The following FURIN variants were observed in gnomAD, a reference collection of about 807,000 sequenced individuals.
FURIN encodes FES upstream region.
Under a neutral mutation model 89.2 loss-of-function variants are expected in FURIN, and 18 were observed. That is an observed-to-expected ratio of 0.20 (90% CI 0.14 to 0.30). The LOEUF (loss-of-function observed/expected upper bound fraction) is 0.30, where lower values mean the gene tolerates loss of function less well. FURIN is among the 10% of genes least tolerant of loss of function. The probability of loss-of-function intolerance (pLI) is 1.00; values close to 1 mark genes in which losing one functional copy is unlikely to be tolerated. For missense variants in FURIN, 879 were observed against 1,100.5 expected (o/e 0.80, Z 2.85); for synonymous variants, 508 against 466.4 (o/e 1.09, Z -1.15).
At position 90,881,232 on chromosome 15, in the gene FURIN, G is replaced by T; in HGVS notation, c.1793-54G>T. 1 of 1,408,476 alleles carries T rather than the reference G, an allele frequency of 7.1e-7. No homozygotes were observed. Among genetic ancestry groups the T allele is most frequent in the African/African-American group, 1.4e-5 (1 of 70,624 alleles). The allele number at this position is 1,408,476 out of a possible 1,614,324, so 87.2% of individuals were successfully genotyped here. On this transcript the variant is annotated intron_variant, in intron 15 of 15. Transcript: ENST00000268171. The surrounding 1 kb of genome is among the most constrained non-coding windows in gnomAD (Gnocchi z 4.3). ...CTTGGCTTGGGGCTGCTGTGGTCCT[G>T]GGGCTACAGTCTGTTTAGCTGACAC... is the stretch of plus-strand genomic sequence containing the variant.
At chr15:90,873,309 G>A (rs2031422363) in intron 1 of FURIN, among the ~76,000 whole-genome samples, 1 of 145,488 alleles carries the variant, frequency 6.9e-6, no homozygotes, top group Non-Finnish European at 1.5e-5. Flanking sequence ...GGACTGTTCA[G>A]TTGCGCCTGA....
At position 90,880,924 on chromosome 15, in the gene FURIN, G is replaced by C. The variant is rs773548672; in HGVS notation, c.1682-6G>C. 6.2e-7 allele frequency: 1 copy of C among 1,613,394 alleles called. No homozygotes were observed. The highest frequency in any genetic ancestry group is 1.7e-5 in the Admixed American group (1 of 60,002). On this transcript the variant is annotated splice_polypyrimidine_tract_variant and splice_region_variant and intron_variant, in intron 14 of 15. Coordinates refer to ENST00000268171, the MANE Select transcript of FURIN (RefSeq NM_002569.4). ...TAACTCTTGCCTCCTCCCCGCTCTG[G>C]AACAGGGACGCTGACCAAGTTCACC... is the stretch of plus-strand genomic sequence containing the variant.
chr15:90,881,394 A>C lies in FURIN; in HGVS notation c.1901A>C (p.Glu634Ala). 6.2e-7 allele frequency: 1 copy of C among 1,612,562 alleles called. No homozygotes were observed. The highest frequency in any genetic ancestry group is 8.5e-7 in the Non-Finnish European group (1 of 1,179,888). The change falls in exon 16 of 16, where the codon GAG becomes GCG. Residue 634 changes from glutamate to alanine, a missense_variant. Physicochemically the swap from Glu to Ala is moderately radical, Grantham distance 107. Coordinates refer to ENST00000268171, the MANE Select transcript of FURIN (RefSeq NM_002569.4). This position sits in a 1 kb window ranked among gnomAD's most constrained non-coding sequence, Gnocchi z 4.3. ...DTHYSTENDV[E>A]TIRASVCAPC... ...CACTATAGCACCGAGAATGACGTGG[A>C]GACCATCCGGGCCAGCGTCTGCGCC...
At position 90,876,581 on chromosome 15, in the gene FURIN, G is replaced by A. The variant is rs2031642625; in HGVS notation, c.372+24G>A. On this transcript the variant is annotated intron_variant, in intron 4 of 15. Coordinates refer to ENST00000268171, the MANE Select transcript of FURIN (RefSeq NM_002569.4). This position sits in a 1 kb window ranked among gnomAD's most constrained non-coding sequence, Gnocchi z 5.0. The stretch of plus-strand genomic sequence containing the variant: ...TGGTACGTGGCCTTCTTCGCTGCTG[G>A]GACCTCCTCCCCAGATGCACCATCC... 1.4e-6 allele frequency: 2 copies of A among 1,468,178 alleles called. No homozygotes were observed. The highest frequency in any genetic ancestry group is 1.9e-6 in the Non-Finnish European group (2 of 1,047,966). The allele number at this position is 1,468,178 out of a possible 1,614,324, so 90.9% of individuals were successfully genotyped here.
chr15:90,879,660 C>G lies in FURIN; in HGVS notation c.1155-11C>G, dbSNP rs751113433. ...AGACTGATCCCCAGCCTCTCCCTTC[C>G]TTCTTTGCAGTAAGAACCTCACATG... On this transcript the variant is annotated splice_polypyrimidine_tract_variant and intron_variant, in intron 10 of 15. Coordinates refer to ENST00000268171, the MANE Select transcript of FURIN (RefSeq NM_002569.4). The G allele has an allele frequency of 1.2e-6, 2 of 1,610,298 alleles. No individual in the cohort carries two copies.
rs561843014 is a variant in FURIN at position 90,879,904 on chromosome 15, C to T, written c.1296C>T (p.Gly432=). The T allele has an allele frequency of 3.1e-6, 5 of 1,613,434 alleles. No homozygotes were observed. Among genetic ancestry groups the T allele is most frequent in the Non-Finnish European group, 4.2e-6 (5 of 1,179,978 alleles). The change falls in exon 12 of 16, where the codon GGC becomes GGT. Residue 432 remains glycine, a synonymous_variant. Coordinates refer to ENST00000268171, the MANE Select transcript of FURIN (RefSeq NM_002569.4). ...HSYGYGLLDA[G]AMVALAQNWT... is the part of the protein sequence containing the mutation. ...ATGGCTACGGGCTTTTGGACGCAGG[C>T]GCCATGGTGGCCCTGGCCCAGAATT...
chr15:90,879,572 C>G, intron 10 of FURIN, 28 bp downstream of exon 10: 1 of 1,568,422 alleles, frequency 6.4e-7, no homozygotes, highest in Non-Finnish European at 8.8e-7. Context: ...AGCGGCAACC[C>G]TGTCCCTACC....
Position 90,881,141 on chromosome 15 carries a change from C to G in FURIN, c.1792+101C>G, listed in dbSNP as rs1261311693. The G allele has an allele frequency of 6.3e-6, 7 of 1,118,868 alleles. No homozygotes were observed. The South Asian group carries it at 7.9e-5, about 13-fold the overall frequency. 69.3% of individuals were successfully genotyped at this position (1,118,868 alleles called of 1,614,324 possible). A position where few individuals can be genotyped will look rare whatever the true frequency, so the allele number is the denominator to read the frequency against. On this transcript the variant is annotated intron_variant, in intron 15 of 15. Coordinates refer to ENST00000268171, the MANE Select transcript of FURIN (RefSeq NM_002569.4). This position sits in a 1 kb window ranked among gnomAD's most constrained non-coding sequence, Gnocchi z 4.3. ...CTAACAGAAAAAAGTCTCAAGAGAC[C>G]TAGGGCCCCTGGGGCTCTTGGGATG...
At chr15:90,879,634 A>T (rs749491811) in intron 10 of FURIN, 37 bp from the exon 11 acceptor site, 3 of 1,592,330 alleles carry the variant, frequency 1.9e-6, no homozygotes, top group African/African-American at 1.3e-5. Flanking sequence ...GCTCCCAAAA[A>T]AGACTGATCC....
rs1596078127 is a variant in FURIN, at chr15:90,879,433, C to G, written c.1054-11C>G. The stretch of plus-strand genomic sequence containing the variant: ...CCATCACAGGCCCCAATATGATTCT[C>G]TTCCTGGCAGGTGACGACTGACTTG... On this transcript the variant is annotated splice_polypyrimidine_tract_variant and intron_variant, in intron 9 of 15. Transcript: ENST00000268171. 1.3e-6 allele frequency: 2 copies of G among 1,598,590 alleles called. No homozygotes were observed. The highest frequency in any genetic ancestry group is 8.6e-7 in the Non-Finnish European group (1 of 1,165,966).
chr15:90,878,756 G>A lies in FURIN; in HGVS notation c.841-8G>A. On this transcript the variant is annotated splice_region_variant and splice_polypyrimidine_tract_variant and intron_variant, in intron 8 of 15. Coordinates refer to ENST00000268171, the MANE Select transcript of FURIN (RefSeq NM_002569.4). ...ATCTTGAATGACCCCAGCCCACTCT[G>A]TCCACAGGGCCGAGGGGGGCTGGGC... The A allele has an allele frequency of 6.4e-7, 1 of 1,573,542 alleles. No homozygotes were observed. Among genetic ancestry groups the A allele is most frequent in the East Asian group, 2.2e-5 (1 of 44,726 alleles).
At position 90,881,445 on chromosome 15, in the gene FURIN, G is replaced by T; in HGVS notation, c.1952G>T (p.Cys651Phe). 1 of 1,612,332 alleles carries T rather than the reference G, an allele frequency of 6.2e-7. No individual in the cohort carries two copies. The change falls in exon 16 of 16, where the codon TGC (cysteine) becomes TTC (phenylalanine). Residue 651 changes from cysteine to phenylalanine, a missense_variant. Physicochemically the swap from Cys to Phe is radical, Grantham distance 205 (BLOSUM62 -2). Coordinates refer to ENST00000268171, the MANE Select transcript of FURIN (RefSeq NM_002569.4). The surrounding 1 kb of genome is among the most constrained non-coding windows in gnomAD (Gnocchi z 4.3). ...CAPCHASCAT[C>F]QGPALTDCLS... Reference sequence around the variant, plus strand: ...CCCTGCCACGCCTCATGTGCCACATGCCAGGGGCCGGCCCTGACAGACTGC... The same window carrying T: ...CCCTGCCACGCCTCATGTGCCACATTCCAGGGGCCGGCCCTGACAGACTGC...
chr15:90,878,126 G>T lies in FURIN; in HGVS notation c.668-6G>T, dbSNP rs772937860. On this transcript the variant is annotated splice_polypyrimidine_tract_variant and splice_region_variant and intron_variant, in intron 7 of 15. Transcript: ENST00000268171. ...ATCCCTCTTCGTGCCCCCCCTTCAC[G>T]GCCAGGGGTGCGCATGCTGGATGGC... The T allele has an allele frequency of 1.9e-6, 3 of 1,613,502 alleles. No homozygotes were observed. In the Admixed American group the frequency reaches 5.0e-5, roughly 27 times the overall value.
intron 1 of FURIN, among the ~76,000 whole-genome samples, chr15:90,874,332 C>T (rs1378322329): frequency 6.6e-6 from 1 of 152,254 alleles, no homozygotes; most frequent in African/African-American, 2.4e-5. Flanking sequence ...CCCTGGCTGC[C>T]TGGGCTCGGA....
At position 90,878,200 on chromosome 15, in the gene FURIN, C is replaced by T; in HGVS notation, c.736C>T (p.His246Tyr). Residue 246 changes from histidine (H) to tyrosine (Y), a missense_variant, in exon 8 of 16, where the codon CAC (histidine) becomes TAC (tyrosine). Physicochemically the swap from His to Tyr is moderately conservative, Grantham distance 83. This residue lies in a region of FURIN where 139 missense variants were observed against 215.0 expected (regional missense o/e 0.65). Transcript: ENST00000268171. ...ACGCTCGCTGGGCCTGAACCCCAAC[C>T]ACATCCACATCTACAGTGCCAGCTG... ...EARSLGLNPN[H>Y]IHIYSASWGP... The T allele has an allele frequency of 1.2e-6, 2 of 1,613,934 alleles. No homozygotes were observed. Among genetic ancestry groups the T allele is most frequent in the Non-Finnish European group, 8.5e-7 (1 of 1,179,976 alleles).
rs2032013197 is a variant in FURIN at position 90,882,074 on chromosome 15, C to T, written c.*196C>T. The T allele has an allele frequency of 1.2e-5, 7 of 575,748 alleles. No individual in the cohort carries two copies. Among genetic ancestry groups the T allele is most frequent in the Admixed American group, 3.3e-5 (1 of 30,128 alleles). 35.7% of individuals were successfully genotyped at this position (575,748 alleles called of 1,614,324 possible). A position where few individuals can be genotyped will look rare whatever the true frequency, so the allele number is the denominator to read the frequency against. ...GGACCAGCTGGGGCGTGGGGAGGGC[C>T]GTACCCCACCCTCAGCACCCCTTCC... On this transcript the variant is annotated 3_prime_UTR_variant, in exon 16 of 16. Transcript: ENST00000268171.
Position 90,880,708 on chromosome 15 carries a change from C to T in FURIN, c.1574C>T (p.Ala525Val). The T allele has an allele frequency of 6.2e-7, 1 of 1,613,768 alleles. No homozygotes were observed. Among genetic ancestry groups the T allele is most frequent in the Non-Finnish European group, 8.5e-7 (1 of 1,179,852 alleles). ...CTCCCCAGGCCACATGACTACTCCGCAGATGGGTTTAATGACTGGGCCTTC... is the reference window on the plus strand; with the variant it reads ...CTCCCCAGGCCACATGACTACTCCGTAGATGGGTTTAATGACTGGGCCTTC... ...LLAARPHDYS[A>V]DGFNDWAFMT... The change falls in exon 14 of 16, where the codon GCA becomes GTA. Residue 525 changes from alanine to valine, a missense_variant. Ala to Val is a moderately conservative substitution (Grantham distance 64, BLOSUM62 0). Coordinates refer to ENST00000268171, the MANE Select transcript of FURIN (RefSeq NM_002569.4).
Position 90,876,861 on chromosome 15 carries a change from A to G in FURIN, c.373-35A>G. 1 of 1,610,118 alleles carries G rather than the reference A, an allele frequency of 6.2e-7. No individual in the cohort carries two copies. Among genetic ancestry groups the G allele is most frequent in the Non-Finnish European group, 8.5e-7 (1 of 1,176,946 alleles). ...TGCTCCTAGCCTCACAAAACCAATC[A>G]TGTCTCATAAGTGATGGGGTGGGTG... On this transcript the variant is annotated intron_variant, in intron 4 of 15. Transcript: ENST00000268171. This position sits in a 1 kb window ranked among gnomAD's most constrained non-coding sequence, Gnocchi z 5.0.
rs892326275 is a variant in FURIN at position 90,881,803 on chromosome 15, G to A, written c.2310G>A (p.Glu770=). The stretch of plus-strand genomic sequence containing the variant: ...TGCCCCCTGAAGCCTGGCAGGAGGA[G>A]TGCCCGTCTGACTCAGAAGAGGACG... ...KGLPPEAWQE[E]CPSDSEEDEG... Residue 770 remains glutamate, a synonymous_variant, in exon 16 of 16, where the codon GAG becomes GAA. Transcript: ENST00000268171. This position sits in a 1 kb window ranked among gnomAD's most constrained non-coding sequence, Gnocchi z 4.3. 2.4e-5 allele frequency: 38 copies of A among 1,613,620 alleles called. No individual in the cohort carries two copies. The highest frequency in any genetic ancestry group is 3.1e-5 in the Non-Finnish European group (37 of 1,179,970).
Sources: allele counts gnomAD v4.1 joint callset (sites outside exome capture counted in the v4.1 genomes callset), GRCh38; gene constraint gnomAD v4.1.1; regional missense constraint gnomAD v4.1.1; non-coding constraint Gnocchi (gnomAD v3.1); transcripts MANE v1.5; gene names NCBI Gene and HGNC (gene_info 2026-07-23, HGNC 2026-07-21).